Variants in TBC1D5 observed in about 807,000 individuals in gnomAD.
TBC1D5 encodes the protein TBC1 domain family member 5.
TBC1D5 carries 75 observed loss-of-function variants against 100.3 expected under a neutral mutation model. That is an observed-to-expected ratio of 0.75 (90% CI 0.62 to 0.91). The LOEUF (loss-of-function observed/expected upper bound fraction) is 0.91, where lower values mean the gene tolerates loss of function less well. Among genes scored for constraint, TBC1D5 ranks in the 40% least tolerant of loss-of-function variants. TBC1D5 has a pLI of 0.00. For synonymous variants in TBC1D5, 323 were observed against 325.6 expected (o/e 0.99, Z 0.09); for missense variants, 910 against 942.4 (o/e 0.97, Z 0.45).
At chr3:17,400,917 G>C (rs907020930) in intron 8 of TBC1D5, among the ~76,000 whole-genome samples, 1 of 152,090 alleles carries the variant, frequency 6.6e-6, no homozygotes, top group African/African-American at 2.4e-5. Context: ...TAGACTGAAG[G>C]CTGCACTGTC....
intron 3 of TBC1D5, among the ~76,000 whole-genome samples, chr3:17,491,115 G>T (rs1219501060): frequency 6.6e-6 from 1 of 152,056 alleles, no homozygotes; most frequent in Admixed American, 6.6e-5. Context: ...CTGCTTGTCA[G>T]CTATTAGTAT....
chr3:17,586,345 A>G (rs986702299), intron 2 of TBC1D5: 2 of 152,198 alleles, frequency 1.3e-5, no homozygotes, highest in African/African-American at 4.8e-5. Context: ...GAATAAATAT[A>G]TGCTTACCTT....
chr3:17,460,445 C>T (rs1160676090), intron 3 of TBC1D5, among the ~76,000 whole-genome samples: 1 of 152,126 alleles, frequency 6.6e-6, no homozygotes, highest in Non-Finnish European at 1.5e-5. Flanking sequence ...CGAATATTTA[C>T]TCTTTCCCAA....
chr3:17,243,192 T>C (rs1052935679), intron 16 of TBC1D5, among the ~76,000 whole-genome samples: 1 of 152,186 alleles, frequency 6.6e-6, no homozygotes, highest in Non-Finnish European at 1.5e-5. Flanking sequence ...TTATTTATCC[T>C]GTCTGGACCC....
intron 3 of TBC1D5, among the ~76,000 whole-genome samples, chr3:17,443,307 A>C (rs1192037725): frequency 6.6e-6 from 1 of 152,200 alleles, no homozygotes; most frequent in Non-Finnish European, 1.5e-5. Flanking sequence ...TTATCTCTTG[A>C]AGCCATGTAC....
chr3:17,234,664 G>GA (rs1464506931), intron 17 of TBC1D5, among the ~76,000 whole-genome samples: 1 of 151,962 alleles, frequency 6.6e-6, no homozygotes, highest in African/African-American at 2.4e-5. Context: ...ACAGGCTAAA[G>GA]AAAAAAGCAT....
intron 17 of TBC1D5, 91 bp from the exon 18 acceptor site, chr3:17,233,841 T>A (rs2075639128): frequency 2.9e-6 from 2 of 686,844 alleles, no homozygotes. Context: ...AATACTTTAA[T>A]CAAATTACTA....
At chr3:17,636,853 A>G (rs149087079) in intron 1 of TBC1D5, among the ~76,000 whole-genome samples, 140 of 152,112 alleles carry the variant, frequency 9.2e-4, no homozygotes, top group African/African-American at 3.2e-3. Context: ...CAACTGACAG[A>G]CCTTACCAAC....
chr3:17,217,150 CTTCT>C (rs1427947174), intron 17 of TBC1D5, among the ~76,000 whole-genome samples: 3 of 152,090 alleles, frequency 2.0e-5, no homozygotes, highest in African/African-American at 7.2e-5. Context: ...CTGTGACTGG[CTTCT>C]TTCTCTTGGG....
intron 2 of TBC1D5, among the ~76,000 whole-genome samples, chr3:17,611,922 A>ATG (rs149003106): frequency 0.05 from 7,651 of 152,276 alleles, 614 homozygotes; most frequent in African/African-American, 0.17. Flanking sequence ...TTCAGGAACA[A>ATG]TGCAAGGATG....
intron 1 of TBC1D5, among the ~76,000 whole-genome samples, chr3:17,719,434 A>G (rs1054345027): frequency 6.6e-6 from 1 of 152,192 alleles, no homozygotes; most frequent in Non-Finnish European, 1.5e-5. Context: ...TTTTAAATGG[A>G]CTATTAGATA....
chr3:17,624,014 A>G (rs1421469810), intron 1 of TBC1D5, 101 bp from the exon 2 acceptor site: 8 of 152,206 alleles, frequency 5.3e-5, no homozygotes, highest in Non-Finnish European at 2.9e-5. Context: ...TGATTCATAT[A>G]CAACTTAATG....
chr3:17,372,333 AC>A, intron 12 of TBC1D5, 86 bp from the exon 13 acceptor site: 1 of 1,274,918 alleles, frequency 7.8e-7, no homozygotes, highest in Non-Finnish European at 1.0e-6. Context: ...GACAGTTTAA[AC>A]AAGAAGTCTT....
At chr3:17,383,934 G>C in exon 9 of TBC1D5, 3 of 1,598,212 alleles carry the variant, frequency 1.9e-6, no homozygotes, top group Non-Finnish European at 2.6e-6. Flanking sequence ...GCAACTGCTC[G>C]TTTTCTCTGG....
chr3:17,390,044 T>C (rs2093304342), intron 8 of TBC1D5, among the ~76,000 whole-genome samples: 1 of 152,174 alleles, frequency 6.6e-6, no homozygotes, highest in South Asian at 2.1e-4. Flanking sequence ...GGCTCATGGA[T>C]ACTTACTGCA....
At chr3:17,460,862 T>G (rs1194741472) in intron 3 of TBC1D5, among the ~76,000 whole-genome samples, 1 of 152,050 alleles carries the variant, frequency 6.6e-6, no homozygotes, top group Non-Finnish European at 1.5e-5. Flanking sequence ...TACTAACACA[T>G]GTAAGATTCA....
chr3:17,559,658 C>T (rs146079284), intron 2 of TBC1D5, among the ~76,000 whole-genome samples: 1,761 of 151,328 alleles, frequency 0.012, 31 homozygotes, highest in African/African-American at 0.039. Context: ...GGCGCGATCT[C>T]GGCTCACTGC....
rs905500436 is a variant in TBC1D5, at chr3:17,407,115, T to A, written c.168-589A>T. ...ACATCAAAAAATTAAAAAGCCTCACTGTAAAAACTGTTAAAGGCAAGCTTG... is the reference window on the plus strand; with the variant it reads ...ACATCAAAAAATTAAAAAGCCTCACAGTAAAAACTGTTAAAGGCAAGCTTG... On this transcript the variant is annotated intron_variant, in intron 4 of 21. Transcript: ENST00000253692. 7.2e-5 allele frequency among the ~76,000 whole-genome samples: 11 copies of A among 152,222 alleles called. 1 individual carries two copies. In the South Asian group the frequency reaches 2.1e-3, roughly 29 times the overall value.
rs974414531 is a variant in TBC1D5 at position 17,214,344 on chromosome 3, A to T, written c.1615T>A (p.Ser539Thr). 1.9e-6 allele frequency: 3 copies of T among 1,612,918 alleles called. No individual in the cohort carries two copies. The African/African-American group carries it at 4.0e-5, about 22-fold the overall frequency. The change falls in exon 18 of 22, where the codon TCT (serine) becomes ACT (threonine). Residue 539 changes from serine (S) to threonine (T), a missense_variant. Physicochemically the swap from Ser to Thr is moderately conservative, Grantham distance 58. Transcript: ENST00000253692. Reference sequence around the variant, plus strand: ...CCAGGCAAACTCTCAACGCTTGGAGATGAACTGATGTTTTTAGAACTTAGC... The same window carrying T: ...CCAGGCAAACTCTCAACGCTTGGAGTTGAACTGATGTTTTTAGAACTTAGC...
Sources: gnomAD v4.1 joint callset for allele counts (sites outside exome capture counted in the v4.1 genomes callset) on GRCh38, gnomAD v4.1.1 for gene constraint, MANE v1.5 for transcripts, NCBI Gene and HGNC (gene_info 2026-07-23, HGNC 2026-07-21) for gene names.